The following RARB variants were observed in gnomAD, a reference collection of about 807,000 sequenced individuals.
RARB encodes HBV-activated protein.
In RARB, 17 loss-of-function variants were observed where a neutral mutation model predicts 51.9. The observed-to-expected ratio is 0.33, with a 90% CI of 0.22 to 0.49. RARB has a LOEUF of 0.49. RARB is among the 20% of genes least tolerant of loss of function. RARB has a pLI of 0.99. For missense variants in RARB, 369 were observed against 550.8 expected (o/e 0.67, Z 3.30); for synonymous variants, 215 against 195.4 (o/e 1.10, Z -0.84).
chr3:25,248,174 T>G (rs1702614664), intron 5 of RARB, among the ~76,000 whole-genome samples: 1 of 152,216 alleles, frequency 6.6e-6, no homozygotes, highest in Admixed American at 6.5e-5. Flanking sequence ...ATGTCTGTTT[T>G]ATGAAGTATA....
intron 4 of RARB, among the ~76,000 whole-genome samples, chr3:25,166,011 T>A (rs321520): frequency 6.6e-6 from 1 of 151,958 alleles, no homozygotes. Flanking sequence ...TTTACTGTAT[T>A]AAATGACCCC....
chr3:24,943,888 T>C (rs1177133520), intron 2 of RARB, among the ~76,000 whole-genome samples: 1 of 152,204 alleles, frequency 6.6e-6, no homozygotes, highest in African/African-American at 2.4e-5. Context: ...TCTAGAAGGA[T>C]ATTTCAATAT....
At chr3:25,296,211 A>G (rs1703910827) in intron 5 of RARB, among the ~76,000 whole-genome samples, 1 of 152,218 alleles carries the variant, frequency 6.6e-6, no homozygotes, top group African/African-American at 2.4e-5. Flanking sequence ...GTATTCCAGA[A>G]ACAAGGAAAG....
intron 5 of RARB, among the ~76,000 whole-genome samples, chr3:25,353,544 C>T (rs1705640674): frequency 6.7e-6 from 1 of 150,190 alleles, no homozygotes; most frequent in African/African-American, 2.4e-5. Flanking sequence ...TTAAAATTAA[C>T]CATAAGATTG....
At chr3:24,833,513 T>C (rs1702307424) in intron 1 of RARB, among the ~76,000 whole-genome samples, 2 of 152,224 alleles carry the variant, frequency 1.3e-5, no homozygotes, top group South Asian at 4.1e-4. Context: ...TCCTGGCCTC[T>C]GAGCTTCAGC....
intron 5 of RARB, among the ~76,000 whole-genome samples, chr3:25,402,901 AC>A (rs1707303496): frequency 6.6e-6 from 1 of 152,172 alleles, no homozygotes; most frequent in African/African-American, 2.4e-5. Context: ...GTGGTGGCTC[AC>A]GCCTGTAATC....
intron 3 of RARB, among the ~76,000 whole-genome samples, chr3:25,083,587 T>C (rs1266058637): frequency 6.6e-6 from 1 of 152,198 alleles, no homozygotes; most frequent in Admixed American, 6.5e-5. Context: ...ACAATAACTT[T>C]TGAAATCATT....
chr3:25,131,881 G>A (rs1699959280), intron 3 of RARB, among the ~76,000 whole-genome samples: 1 of 151,902 alleles, frequency 6.6e-6, no homozygotes, highest in African/African-American at 2.4e-5. Flanking sequence ...AATCTATGTG[G>A]GATAGATAAA....
chr3:25,100,544 A>G (rs1699380640), intron 3 of RARB, among the ~76,000 whole-genome samples: 1 of 152,230 alleles, frequency 6.6e-6, no homozygotes, highest in African/African-American at 2.4e-5. Flanking sequence ...GAATACATGT[A>G]TCATTCGGTA....
chr3:25,244,443 G>T lies in RARB; in HGVS notation c.178+69868G>T, dbSNP rs571182955. On this transcript the variant is annotated intron_variant, in intron 5 of 11. Transcript: ENST00000383772. ...AGATCTTTCCCGCCTTCTCCTGTGG[G>T]TATTTAGTGTTACAAATTTCCCTCT... is the stretch of plus-strand genomic sequence containing the variant. Among the ~76,000 whole-genome samples, 159 of 152,126 alleles carry T rather than the reference G, an allele frequency of 1.0e-3. 1 individual carries two copies. The highest frequency in any genetic ancestry group is 3.7e-3 in the African/African-American group (154 of 41,516).
At chr3:25,118,320 C>G (rs577392715) in intron 3 of RARB, among the ~76,000 whole-genome samples, 5 of 152,050 alleles carry the variant, frequency 3.3e-5, no homozygotes, top group African/African-American at 1.2e-4. Flanking sequence ...CAGGTTCAAC[C>G]TGATGTGGTC....
chr3:25,204,403 C>G (rs943884042), intron 5 of RARB, among the ~76,000 whole-genome samples: 1 of 152,182 alleles, frequency 6.6e-6, no homozygotes, highest in Non-Finnish European at 1.5e-5. Flanking sequence ...GTTTGATTGT[C>G]TGAAGCCGCC....
At chr3:25,524,050 G>A (rs184342976) in intron 3 of RARB, among the ~76,000 whole-genome samples, 13 of 152,296 alleles carry the variant, frequency 8.5e-5, no homozygotes, top group Admixed American at 3.3e-4. Context: ...CTGTGACCTC[G>A]ATATACTATA....
chr3:25,455,747 C>CT (rs1464280637), intron 1 of RARB, among the ~76,000 whole-genome samples: 1 of 152,204 alleles, frequency 6.6e-6, no homozygotes, highest in Non-Finnish European at 1.5e-5. Flanking sequence ...GTTCCTCTGA[C>CT]TTGCCCATTC....
chr3:25,541,256 C>T (rs1410328914), intron 3 of RARB, among the ~76,000 whole-genome samples: 1 of 152,238 alleles, frequency 6.6e-6, no homozygotes, highest in Non-Finnish European at 1.5e-5. Flanking sequence ...TCCTCATCCT[C>T]TTCAGCCTCT....
intron 2 of RARB, among the ~76,000 whole-genome samples, chr3:25,007,254 A>G (rs1697291659): frequency 6.6e-6 from 1 of 152,208 alleles, no homozygotes. Context: ...ATCTTGCCCA[A>G]GTCAGTGGAC....
intron 2 of RARB, among the ~76,000 whole-genome samples, chr3:24,895,474 T>C (rs1050650174): frequency 1.4e-4 from 21 of 152,316 alleles, no homozygotes; most frequent in African/African-American, 4.8e-4. Flanking sequence ...AAGCCACACA[T>C]TGAACAACTG....
rs535985916 is a variant in RARB, at chr3:25,471,511, CTTTT to C, written c.306+10180_306+10183del. Among the ~76,000 whole-genome samples the C allele has an allele frequency of 1.9e-4, 24 of 124,070 alleles. 1 individual carries two copies. The Admixed American group carries it at 2.0e-3, about 10-fold the overall frequency. 81.4% of individuals were successfully genotyped at this position (124,070 alleles called of 152,430 possible). A position where few individuals can be genotyped will look rare whatever the true frequency, so the allele number is the denominator to read the frequency against. On this transcript the variant is annotated intron_variant, in intron 2 of 7. Coordinates refer to ENST00000330688, the MANE Select transcript of RARB (RefSeq NM_000965.5). ...GGATTGAAAAAGCAGAAAAATCTGT[CTTTT>C]TTTTTTTTTCCTTCTGGTGTATGGA... is the stretch of plus-strand genomic sequence containing the variant.
intron 5 of RARB, among the ~76,000 whole-genome samples, chr3:25,228,228 T>G (rs901328036): frequency 1.3e-4 from 19 of 151,178 alleles, no homozygotes; most frequent in Admixed American, 9.2e-4. Context: ...TTTTTTTTTT[T>G]TTTTTTTTTG....
Sources: allele counts gnomAD v4.1 joint callset (sites outside exome capture counted in the v4.1 genomes callset), GRCh38; gene constraint gnomAD v4.1.1; transcripts MANE v1.5; gene names NCBI Gene and HGNC (gene_info 2026-07-23, HGNC 2026-07-21).